WWOX: variants seen among roughly 807,000 people sequenced by gnomAD.
WWOX encodes WW domain containing oxidoreductase, also known as WW domain-containing oxidoreductase.
A neutral mutation model predicts 46.2 loss-of-function variants in WWOX; 69 were observed. That is an observed-to-expected ratio of 1.49 (90% confidence interval 1.23 to 1.82). The LOEUF (loss-of-function observed/expected upper bound fraction) is 1.82. Ranked by LOEUF, WWOX falls within the 40% of genes most tolerant of loss-of-function variation. The pLI is 0.00. For missense variants in WWOX, 919 were observed against 542.6 expected, an observed-to-expected ratio of 1.69 and a Z score of -6.89; for synonymous variants, 359 against 202.6, an observed-to-expected ratio of 1.77 and a Z score of -6.56.
intron 8 of WWOX, among the ~76,000 whole-genome samples, chr16:78,657,256 G>A (rs1567469012): frequency 2.0e-5 from 3 of 151,792 alleles, no homozygotes; most frequent in Non-Finnish European, 4.4e-5. Context: ...CCTTGCCTGG[G>A]GTGAGTGAAG....
intron 8 of WWOX, among the ~76,000 whole-genome samples, chr16:78,519,632 A>C (rs117579112): frequency 0.012 from 1,884 of 152,204 alleles, 37 homozygotes; most frequent in East Asian, 0.033. Context: ...ACTACAAAGC[A>C]GGACCTTTAG....
chr16:78,950,214 C>G lies in WWOX; in HGVS notation c.1057-261394C>G, dbSNP rs139876246. On this transcript the variant is annotated intron_variant, in intron 8 of 8. Coordinates refer to ENST00000566780, the MANE Select transcript of WWOX (RefSeq NM_016373.4). ...GTCTAATCCATCCTTTTCCAATATT[C>G]CCTCCTAATCTTTCAGTTGAATTAC... Among the ~76,000 whole-genome samples the G allele has an allele frequency of 1.1e-3, 170 of 152,256 alleles. 2 individuals carry two copies. The highest frequency in any genetic ancestry group is 3.6e-3 in the African/African-American group (151 of 41,546).
chr16:78,164,965 G>A (rs79810142), intron 5 of WWOX, among the ~76,000 whole-genome samples: 1,803 of 152,276 alleles, frequency 0.012, 30 homozygotes, highest in African/African-American at 0.026. Context: ...AATGAAGTAG[G>A]GGTAAGCCAT....
chr16:78,898,318 T>G (rs1343176078), intron 8 of WWOX: 3 of 152,174 alleles, frequency 2.0e-5, no homozygotes, highest in African/African-American at 7.2e-5. Context: ...AATTTTTGTA[T>G]ATGGTGTGAG....
At chr16:78,669,648 C>A (rs16948279) in intron 8 of WWOX, among the ~76,000 whole-genome samples, 1,622 of 152,144 alleles carry the variant, frequency 0.011, 23 homozygotes, top group Non-Finnish European at 0.012. Flanking sequence ...AACACAAATA[C>A]GTCACTTGTT....
intron 8 of WWOX, among the ~76,000 whole-genome samples, chr16:79,056,797 G>C (rs939197573): frequency 6.6e-6 from 1 of 152,142 alleles, no homozygotes; most frequent in African/African-American, 2.4e-5. Flanking sequence ...CGGTGAGATT[G>C]AACTTGATTT....
At chr16:79,150,523 C>T (rs2050258479) in intron 8 of WWOX, among the ~76,000 whole-genome samples, 1 of 152,152 alleles carries the variant, frequency 6.6e-6, no homozygotes, top group Admixed American at 6.5e-5. Flanking sequence ...AGTGTGCATG[C>T]CTCATCTCTA....
intron 8 of WWOX, among the ~76,000 whole-genome samples, chr16:79,132,448 T>A (rs938536094): frequency 2.6e-5 from 4 of 152,152 alleles, no homozygotes; most frequent in African/African-American, 9.7e-5. Flanking sequence ...GAAATAGTGT[T>A]TCGTGATTAA....
At chr16:78,256,910 A>T (rs1054660249) in intron 5 of WWOX, among the ~76,000 whole-genome samples, 3 of 152,102 alleles carry the variant, frequency 2.0e-5, no homozygotes, top group Admixed American at 6.5e-5. Flanking sequence ...GAACAACCAT[A>T]CAGGGAATCC....
intron 8 of WWOX, among the ~76,000 whole-genome samples, chr16:78,880,219 G>A (rs186763467): frequency 2.7e-4 from 41 of 152,312 alleles, no homozygotes; most frequent in Non-Finnish European, 5.4e-4. Context: ...TGTATTTGCA[G>A]TTTTCTCTCT....
intron 8 of WWOX, among the ~76,000 whole-genome samples, chr16:78,730,368 C>T (rs770444353): frequency 2.0e-5 from 3 of 151,990 alleles, no homozygotes; most frequent in Non-Finnish European, 2.9e-5. Flanking sequence ...ATATAAGCCA[C>T]GTGCTGGGAT....
intron 8 of WWOX, among the ~76,000 whole-genome samples, chr16:79,055,704 T>A (rs1020973450): frequency 1.1e-4 from 16 of 152,210 alleles, no homozygotes; most frequent in African/African-American, 3.9e-4. Context: ...CCAAGGGCAA[T>A]AAATTATGAA....
intron 2 of WWOX, among the ~76,000 whole-genome samples, 166 bp from the exon 3 acceptor site, chr16:78,109,612 G>C (rs752911694): frequency 6.6e-6 from 1 of 151,264 alleles, no homozygotes; most frequent in Non-Finnish European, 1.5e-5. Context: ...GGGGCCTTCT[G>C]CAGCTGTCGC....
intron 8 of WWOX, among the ~76,000 whole-genome samples, chr16:78,690,557 T>C (rs756091669): frequency 1.3e-5 from 2 of 151,792 alleles, no homozygotes; most frequent in African/African-American, 4.8e-5. Flanking sequence ...GTCTGAAAAT[T>C]AAAAAAAGAA....
At chr16:78,421,467 C>T (rs147514621) in intron 6 of WWOX, among the ~76,000 whole-genome samples, 1 of 152,148 alleles carries the variant, frequency 6.6e-6, no homozygotes, top group Non-Finnish European at 1.5e-5. Flanking sequence ...CCACCTTAAT[C>T]CAAGATGATC....
intron 8 of WWOX, among the ~76,000 whole-genome samples, chr16:78,861,527 C>G (rs906508982): frequency 1.3e-5 from 2 of 152,196 alleles, no homozygotes; most frequent in African/African-American, 2.4e-5. Flanking sequence ...AAAGTAAATG[C>G]AAGACATTAT....
intron 8 of WWOX, among the ~76,000 whole-genome samples, chr16:78,632,427 G>A (rs1333267290): frequency 2.0e-5 from 3 of 151,908 alleles, no homozygotes; most frequent in East Asian, 3.9e-4. Flanking sequence ...CCTACTTAAC[G>A]TCGCAGATGT....
chr16:78,573,315 G>T (rs1382423337), intron 8 of WWOX, among the ~76,000 whole-genome samples: 14 of 152,096 alleles, frequency 9.2e-5, no homozygotes, highest in Non-Finnish European at 1.9e-4. Flanking sequence ...AAACAAAAAA[G>T]GTTTAAGAAA....
chr16:78,643,352 G>T (rs2046765475), intron 8 of WWOX, among the ~76,000 whole-genome samples: 1 of 152,162 alleles, frequency 6.6e-6, no homozygotes, highest in South Asian at 2.1e-4. Flanking sequence ...ATGAAACTGA[G>T]GCTTCTGGAG....
Sources: allele counts gnomAD v4.1 joint callset (sites outside exome capture counted in the v4.1 genomes callset), GRCh38; gene constraint gnomAD v4.1.1; transcripts MANE v1.5; gene names NCBI Gene and HGNC (gene_info 2026-07-23, HGNC 2026-07-21).